The following RYR2 variants were observed in gnomAD, a reference collection of about 807,000 sequenced individuals.
The protein encoded by RYR2 is ryanodine receptor 2.
Under a neutral mutation model 601.1 loss-of-function variants are expected in RYR2, and 227 were observed. That is an observed-to-expected ratio of 0.38 (90% CI 0.34 to 0.42). RYR2 has a LOEUF of 0.42. Ranked by LOEUF, RYR2 falls within the 10% of genes least tolerant of loss-of-function variation. RYR2 has a pLI of 1.00. For missense variants in RYR2, 4,646 were observed against 6,156.5 expected (o/e 0.75, Z 8.21); for synonymous variants, 2,223 against 2,175.1 (o/e 1.02, Z -0.61).
chr1:237,230,942 G>A (rs1218772702), intron 1 of RYR2, among the ~76,000 whole-genome samples: 41 of 74,358 alleles, frequency 5.5e-4, no homozygotes, highest in Non-Finnish European at 7.8e-4. Context: ...AAAAAAAAAA[G>A]GATACTCCTC....
chr1:237,765,703 T>G (rs1330432363), intron 84 of RYR2, among the ~76,000 whole-genome samples: 1 of 152,236 alleles, frequency 6.6e-6, no homozygotes, highest in African/African-American at 2.4e-5. Context: ...TGTACCTTAT[T>G]CTGCCATTCT....
chr1:237,258,110 G>A (rs1390680381), intron 1 of RYR2, among the ~76,000 whole-genome samples: 2 of 149,284 alleles, frequency 1.3e-5, no homozygotes, highest in African/African-American at 4.9e-5. Flanking sequence ...CGAGGTTGCA[G>A]TGAGCCGAGA....
chr1:237,376,555 G>A (rs147175612), intron 7 of RYR2, among the ~76,000 whole-genome samples: 3 of 152,302 alleles, frequency 2.0e-5, no homozygotes, highest in South Asian at 2.1e-4. Context: ...TTTTGGGATA[G>A]AAGTTGCATT....
chr1:237,442,958 A>T (rs1708039553), intron 13 of RYR2, among the ~76,000 whole-genome samples: 1 of 152,218 alleles, frequency 6.6e-6, no homozygotes, highest in Non-Finnish European at 1.5e-5. Context: ...ACTTTTATGT[A>T]TGTTTGGAAC....
At chr1:237,439,570 G>A (rs562427893) in intron 12 of RYR2, among the ~76,000 whole-genome samples, 1 of 152,152 alleles carries the variant, frequency 6.6e-6, no homozygotes, top group Non-Finnish European at 1.5e-5. Context: ...CTTGGAACCA[G>A]GAGGCTGAGG....
At chr1:237,060,558 AC>A (rs1662711048) in intron 1 of RYR2, among the ~76,000 whole-genome samples, 1 of 152,114 alleles carries the variant, frequency 6.6e-6, no homozygotes, top group Non-Finnish European at 1.5e-5. Flanking sequence ...CCTCTCTAGC[AC>A]CCCCTCCCAA....
Position 237,065,436 on chromosome 1 carries a change from C to T in RYR2, c.48+22867C>T, listed in dbSNP as rs534235626. On this transcript the variant is annotated intron_variant, in intron 1 of 104. Transcript: ENST00000366574. ...CTGGGATTAGAGGCACCCACCACCA[C>T]GCCTGGCTAATTTTTTTTGGTATTT... Among the ~76,000 whole-genome samples, 23 of 129,252 alleles carry T rather than the reference C, an allele frequency of 1.8e-4. No homozygotes were observed. The South Asian group carries it at 3.3e-3, about 19-fold the overall frequency. The allele number at this position is 129,252 out of a possible 152,430, so 84.8% of individuals were successfully genotyped here. A position where few individuals can be genotyped will look rare whatever the true frequency, so the allele number is the denominator to read the frequency against.
chr1:237,544,332 G>C (rs1234449457), intron 25 of RYR2, among the ~76,000 whole-genome samples: 1 of 152,136 alleles, frequency 6.6e-6, no homozygotes, highest in Non-Finnish European at 1.5e-5. Flanking sequence ...GGAGAGAAAA[G>C]TCTGTCGGCT....
At chr1:237,661,854 T>C (rs1298371591) in intron 56 of RYR2, among the ~76,000 whole-genome samples, 2 of 152,092 alleles carry the variant, frequency 1.3e-5, no homozygotes, top group Non-Finnish European at 2.9e-5. Flanking sequence ...GGCACAGCCT[T>C]GATGTGGAAA....
chr1:237,381,451 T>A (rs188389541), intron 8 of RYR2, among the ~76,000 whole-genome samples: 142 of 152,318 alleles, frequency 9.3e-4, no homozygotes, highest in African/African-American at 3.3e-3. Context: ...ATGTGTCTGA[T>A]AACAAATTAG....
intron 1 of RYR2, among the ~76,000 whole-genome samples, chr1:237,062,341 C>A (rs889958905): frequency 3.5e-4 from 54 of 152,200 alleles, no homozygotes; most frequent in African/African-American, 1.3e-3. Context: ...AACATCTTTT[C>A]GATATTAAGA....
chr1:237,509,677 C>T (rs1041899110), intron 23 of RYR2, among the ~76,000 whole-genome samples: 4 of 152,194 alleles, frequency 2.6e-5, no homozygotes, highest in African/African-American at 9.7e-5. Context: ...TTATGTTTGC[C>T]TTCTTGGCGC....
chr1:237,481,964 C>T (rs930316629), intron 17 of RYR2, among the ~76,000 whole-genome samples: 2 of 152,068 alleles, frequency 1.3e-5, no homozygotes, highest in Non-Finnish European at 2.9e-5. Flanking sequence ...CGTAAGAAGA[C>T]ACTCCTGTTA....
chr1:237,758,999 A>C (rs139418144), intron 82 of RYR2, among the ~76,000 whole-genome samples: 2 of 152,312 alleles, frequency 1.3e-5, no homozygotes, highest in Admixed American at 1.3e-4. Context: ...TTGTTTTTTC[A>C]ATTTACAGAC....
At chr1:237,567,660 A>G (rs1252495314) in intron 28 of RYR2, among the ~76,000 whole-genome samples, 1 of 151,932 alleles carries the variant, frequency 6.6e-6, no homozygotes, top group East Asian at 1.9e-4. Context: ...AATAATAGTC[A>G]CTTTTGATTG....
chr1:237,338,122 T>G (rs2543037), intron 3 of RYR2, among the ~76,000 whole-genome samples: 41,396 of 151,980 alleles, frequency 0.27, 6,053 homozygotes, highest in African/African-American at 0.38. Flanking sequence ...ATGGTTCCGG[T>G]GTGCCATTAT....
intron 96 of RYR2, among the ~76,000 whole-genome samples, chr1:237,797,769 TA>T (rs1466769071): frequency 6.6e-6 from 1 of 152,248 alleles, no homozygotes; most frequent in Non-Finnish European, 1.5e-5. Flanking sequence ...CTTATGCTTT[TA>T]TTTCAGCTCA....
intron 60 of RYR2, among the ~76,000 whole-genome samples, chr1:237,675,828 T>G (rs1195988428): frequency 6.6e-6 from 1 of 152,168 alleles, no homozygotes. Flanking sequence ...ATTGAGCATC[T>G]TTCTCATAAA....
chr1:237,367,389 G>C (rs1700284262), intron 5 of RYR2, among the ~76,000 whole-genome samples: 1 of 130,852 alleles, frequency 7.6e-6, no homozygotes, highest in Non-Finnish European at 1.6e-5. Context: ...ACTGCGTCTG[G>C]CCCCCCAAAA....
Sources: gnomAD v4.1 joint callset for allele counts (sites outside exome capture counted in the v4.1 genomes callset) on GRCh38, gnomAD v4.1.1 for gene constraint, MANE v1.5 for transcripts, NCBI Gene and HGNC (gene_info 2026-07-23, HGNC 2026-07-21) for gene names.